The following SH3PXD2B variants were observed in gnomAD, a reference collection of about 807,000 sequenced individuals.
SH3PXD2B encodes SH3 and PX domains 2B.
A neutral mutation model predicts 73.1 loss-of-function variants in SH3PXD2B; 37 were observed. The ratio of observed to expected loss-of-function variants is 0.51; its 90% CI spans 0.39 to 0.67. The LOEUF (loss-of-function observed/expected upper bound fraction) is 0.67, where lower values mean the gene tolerates loss of function less well. SH3PXD2B is among the 30% of genes least tolerant of loss of function. The probability of loss-of-function intolerance (pLI) is 0.00; values close to 1 mark genes in which losing one functional copy is unlikely to be tolerated. For missense variants in SH3PXD2B, 1,053 were observed against 1,197.8 expected (o/e 0.88, Z 1.78); for synonymous variants, 457 against 480.5 (o/e 0.95, Z 0.64).
At chr5:172,366,975 C>T (rs1407456604) in intron 6 of SH3PXD2B, among the ~76,000 whole-genome samples, 3 of 120,518 alleles carry the variant, frequency 2.5e-5, no homozygotes, top group Non-Finnish European at 5.0e-5. Context: ...CTTGCCCCAT[C>T]GCCCAGGCTG....
intron 1 of SH3PXD2B, among the ~76,000 whole-genome samples, chr5:172,435,636 A>G (rs1234096823): frequency 6.6e-6 from 1 of 152,100 alleles, no homozygotes; most frequent in Non-Finnish European, 1.5e-5. Context: ...GCTGACCAGC[A>G]TGGTCTGGAA....
chr5:172,338,926 T>C lies in SH3PXD2B; in HGVS notation c.2179A>G (p.Arg727Gly). 6.2e-7 allele frequency: 1 copy of C among 1,614,158 alleles called. No homozygotes were observed. The highest frequency in any genetic ancestry group is 8.5e-7 in the Non-Finnish European group (1 of 1,179,966). Residue 727 changes from arginine to glycine, a missense_variant, in exon 13 of 13, where the codon AGA becomes GGA. Arg to Gly is a moderately radical substitution (Grantham distance 125, BLOSUM62 -2). Coordinates refer to ENST00000311601, the MANE Select transcript of SH3PXD2B (RefSeq NM_001017995.3). This position sits in a 1 kb window ranked among gnomAD's most constrained non-coding sequence, Gnocchi z 5.1. ...DGLSPKEISC[R>G]APPRPAKTTD... ...GTCTTGGCTGGCCTCGGAGGGGCTC[T>C]GCAGGAAATCTCTTTTGGGCTGAGA...
intron 1 of SH3PXD2B, 104 bp downstream of exon 1, chr5:172,454,174 G>A (rs985305470): frequency 7.7e-6 from 7 of 903,960 alleles, no homozygotes; most frequent in Non-Finnish European, 1.1e-5. Context: ...CAGGGGAGGA[G>A]GGGACGGGAA....
chr5:172,440,461 C>T (rs1176587001), intron 1 of SH3PXD2B, among the ~76,000 whole-genome samples: 5 of 152,176 alleles, frequency 3.3e-5, no homozygotes, highest in Admixed American at 2.6e-4. Context: ...TTGCATTTAA[C>T]GAGCGGGCAG....
At chr5:172,326,014 C>T (rs1488190784) in intron 12 of SH3PXD2B, among the ~76,000 whole-genome samples, 1 of 152,128 alleles carries the variant, frequency 6.6e-6, no homozygotes, top group East Asian at 1.9e-4. Context: ...CTCGAGCTCC[C>T]GACCTCAGGT....
chr5:172,330,226 C>T (rs925511196), downstream of SH3PXD2B, among the ~76,000 whole-genome samples: 3 of 152,098 alleles, frequency 2.0e-5, no homozygotes, highest in Non-Finnish European at 4.4e-5. Flanking sequence ...TTTTGGGATG[C>T]TCAATTTGTA....
intron 1 of SH3PXD2B, among the ~76,000 whole-genome samples, chr5:172,436,112 C>G (rs1394583568): frequency 6.6e-6 from 1 of 152,192 alleles, no homozygotes; most frequent in African/African-American, 2.4e-5. Context: ...ATGACAGTGT[C>G]TGAATTTCCT....
chr5:172,431,591 A>G (rs1179657848), intron 1 of SH3PXD2B, among the ~76,000 whole-genome samples: 1 of 152,280 alleles, frequency 6.6e-6, no homozygotes, highest in Non-Finnish European at 1.5e-5. Context: ...AGGTAAAAAG[A>G]ACAAGCTAAA....
chr5:172,436,886 T>G (rs1759400678), intron 1 of SH3PXD2B, among the ~76,000 whole-genome samples: 1 of 152,180 alleles, frequency 6.6e-6, no homozygotes. Flanking sequence ...ATTCATTTCC[T>G]GTAGAGAAGG....
chr5:172,395,767 G>A (rs755147815), intron 3 of SH3PXD2B, among the ~76,000 whole-genome samples: 2 of 139,718 alleles, frequency 1.4e-5, no homozygotes, highest in Admixed American at 7.5e-5. Context: ...GAGGGCCAAA[G>A]ACATGGGAGA....
Position 172,353,939 on chromosome 5 carries a change from C to T in SH3PXD2B, c.734G>A (p.Gly245Glu). The T allele has an allele frequency of 6.2e-7, 1 of 1,614,074 alleles. No individual in the cohort carries two copies. Among genetic ancestry groups the T allele is most frequent in the Non-Finnish European group, 8.5e-7 (1 of 1,180,036 alleles). ...TTTCTGGATGACCTCCACCACAGCC[C>T]CTCTCTCCAGGTTCATTTCATCCTG... Reference protein sequence around the residue: ...RDQDEMNLERGAVVEVIQKNL... With the variant: ...RDQDEMNLEREAVVEVIQKNL... Residue 245 changes from glycine to glutamate, a missense_variant, in exon 9 of 13, where the codon GGG becomes GAG. Around this residue, in one of 2 missense-constraint regions of SH3PXD2B, gnomAD observed 466 missense variants for 607.1 expected, o/e 0.77. Coordinates refer to ENST00000311601, the MANE Select transcript of SH3PXD2B (RefSeq NM_001017995.3). The surrounding 1 kb of genome is among the most constrained non-coding windows in gnomAD (Gnocchi z 4.3).
chr5:172,377,742 C>T (rs1757848622), intron 5 of SH3PXD2B, among the ~76,000 whole-genome samples: 1 of 152,138 alleles, frequency 6.6e-6, no homozygotes, highest in African/African-American at 2.4e-5. Context: ...GCATGATGGA[C>T]GTATATAAGA....
intron 3 of SH3PXD2B, among the ~76,000 whole-genome samples, chr5:172,405,604 C>T (rs1758535230): frequency 6.6e-6 from 1 of 152,146 alleles, no homozygotes; most frequent in Non-Finnish European, 1.5e-5. Context: ...CAACAATCTA[C>T]GTGGAGGCTG....
At chr5:172,390,759 C>T (rs1278303580) in intron 4 of SH3PXD2B, among the ~76,000 whole-genome samples, 1 of 151,580 alleles carries the variant, frequency 6.6e-6, no homozygotes, top group Non-Finnish European at 1.5e-5. Context: ...GGTCATATGA[C>T]AAGTTTAACT....
intron 4 of SH3PXD2B, among the ~76,000 whole-genome samples, chr5:172,389,604 T>G (rs1274830032): frequency 1.4e-5 from 2 of 147,590 alleles, no homozygotes; most frequent in African/African-American, 2.5e-5. Flanking sequence ...TATGTGCTGG[T>G]AGTTCCAGCT....
intron 6 of SH3PXD2B, among the ~76,000 whole-genome samples, chr5:172,369,392 G>C (rs148054303): frequency 4.9e-4 from 75 of 152,242 alleles, no homozygotes; most frequent in African/African-American, 1.8e-3. Flanking sequence ...ACCCTTTAGA[G>C]AAAGTTTGTC....
chr5:172,366,133 G>A (rs1757515138), intron 6 of SH3PXD2B, among the ~76,000 whole-genome samples: 1 of 152,204 alleles, frequency 6.6e-6, no homozygotes, highest in African/African-American at 2.4e-5. Context: ...TCGTTGGCTG[G>A]TGTGGGGTCA....
chr5:172,362,947 C>A, intron 6 of SH3PXD2B, 78 bp from the exon 7 acceptor site: 1 of 1,583,140 alleles, frequency 6.3e-7, no homozygotes, highest in South Asian at 1.1e-5. Flanking sequence ...TAGGGCGGGT[C>A]AAGAGGACGT....
intron 5 of SH3PXD2B, among the ~76,000 whole-genome samples, chr5:172,378,900 C>T (rs1229169410): frequency 6.6e-6 from 1 of 151,974 alleles, no homozygotes; most frequent in South Asian, 2.1e-4. Flanking sequence ...GAAACCCCGT[C>T]TCTACTAAAA....
Sources: allele counts gnomAD v4.1 joint callset (sites outside exome capture counted in the v4.1 genomes callset), GRCh38; gene constraint gnomAD v4.1.1; regional missense constraint gnomAD v4.1.1; non-coding constraint Gnocchi (gnomAD v3.1); transcripts MANE v1.5; gene names NCBI Gene and HGNC (gene_info 2026-07-23, HGNC 2026-07-21).